The following GLDN variants were observed in gnomAD, a reference collection of about 807,000 sequenced individuals.
GLDN encodes collomin.
Under a neutral mutation model 56.5 loss-of-function variants are expected in GLDN, and 47 were observed. That is an observed-to-expected ratio of 0.83 (90% CI 0.66 to 1.06). GLDN has a LOEUF of 1.06. GLDN is among the 50% of genes least tolerant of loss of function. GLDN has a pLI of 0.00. For synonymous variants in GLDN, 332 were observed against 278.8 expected (o/e 1.19, Z -1.90); for missense variants, 782 against 714.3 (o/e 1.09, Z -1.08).
chr15:51,399,331 A>G (rs2038200127), intron 6 of GLDN, among the ~76,000 whole-genome samples: 1 of 152,212 alleles, frequency 6.6e-6, no homozygotes. Context: ...TCAAGCAACC[A>G]CAAGGTGATT....
At position 51,371,734 on chromosome 15, in the gene GLDN, G is replaced by T. The variant is rs182773882; in HGVS notation, c.364-5715G>T. On this transcript the variant is annotated intron_variant, in intron 1 of 9. Transcript: ENST00000335449. ...GTCTCACTCTGTCACCCAGGCTGGAGTGCAGTGGCTCGATCTCAGCTCACT... is the reference window on the plus strand; with the variant it reads ...GTCTCACTCTGTCACCCAGGCTGGATTGCAGTGGCTCGATCTCAGCTCACT... Among the ~76,000 whole-genome samples the T allele has an allele frequency of 2.0e-4, 31 of 152,304 alleles. No homozygotes were observed. The East Asian group carries it at 6.0e-3, about 29-fold the overall frequency.
chr15:51,378,637 G>A (rs2037688890), intron 2 of GLDN, among the ~76,000 whole-genome samples: 1 of 152,206 alleles, frequency 6.6e-6, no homozygotes, highest in South Asian at 2.1e-4. Flanking sequence ...CGTCTGCACT[G>A]GAAGTGGGTT....
chr15:51,403,298 T>G (rs2038295611), intron 9 of GLDN, among the ~76,000 whole-genome samples: 1 of 152,136 alleles, frequency 6.6e-6, no homozygotes, highest in South Asian at 2.1e-4. Flanking sequence ...ACCCCAGGTA[T>G]TCAGAGGAAG....
chr15:51,367,454 G>A (rs1213125330), intron 1 of GLDN: 1 of 152,282 alleles, frequency 6.6e-6, no homozygotes, highest in Non-Finnish European at 1.5e-5. Flanking sequence ...GGGCTTGTGG[G>A]TGGACTTCAA....
chr15:51,388,069 C>T (rs2037939080), intron 4 of GLDN, among the ~76,000 whole-genome samples: 1 of 152,132 alleles, frequency 6.6e-6, no homozygotes, highest in Admixed American at 6.5e-5. Context: ...TGCCCACTGC[C>T]CAGAATGCCC....
chr15:51,353,713 T>TAAAAAAAAAAAAAAAA (rs1566935693), intron 1 of GLDN, among the ~76,000 whole-genome samples: 3 of 80,512 alleles, frequency 3.7e-5, no homozygotes, highest in African/African-American at 5.5e-5. Flanking sequence ...TCGGATTTGA[T>TAAAAAAAAAAAAAAAA]TAAAAAAAAA....
chr15:51,374,084 A>G (rs2141083041), intron 1 of GLDN, among the ~76,000 whole-genome samples: 1 of 152,364 alleles, frequency 6.6e-6, no homozygotes, highest in Non-Finnish European at 1.5e-5. Context: ...AACATAATTT[A>G]CTGGTAAATA....
At position 51,383,457 on chromosome 15, in the gene GLDN, A is replaced by G. The variant is rs780284039; in HGVS notation, c.433+4A>G. The G allele has an allele frequency of 3.7e-6, 6 of 1,613,892 alleles. No homozygotes were observed. The highest frequency in any genetic ancestry group is 5.1e-6 in the Non-Finnish European group (6 of 1,179,954). On this transcript the variant is annotated splice_donor_region_variant and intron_variant, in intron 3 of 9. Coordinates refer to ENST00000335449, the MANE Select transcript of GLDN (RefSeq NM_181789.4). Reference sequence around the variant, plus strand: ...GTAGGACCTTCTGGACCACCAGGTAAGAGCCCATGGATTTTCTAGTTCAAG... The same window carrying G: ...GTAGGACCTTCTGGACCACCAGGTAGGAGCCCATGGATTTTCTAGTTCAAG...
In GLDN at chr15:51,351,619, G is replaced by A. The variant is rs550019744; in HGVS notation, c.363+9572G>A. 4.6e-5 allele frequency among the ~76,000 whole-genome samples: 7 copies of A among 152,308 alleles called. No homozygotes were observed. In the East Asian group the frequency reaches 1.4e-3, roughly 29 times the overall value. On this transcript the variant is annotated intron_variant, in intron 1 of 9. Coordinates refer to ENST00000335449, the MANE Select transcript of GLDN (RefSeq NM_181789.4). ...TCATCCTTCTCAAGCTCTCATGCCA[G>A]GATCTCCCTATGGCAGTCACAGGCT...
intron 1 of GLDN, among the ~76,000 whole-genome samples, chr15:51,372,930 T>C (rs534149242): frequency 6.6e-6 from 1 of 152,278 alleles, no homozygotes; most frequent in African/African-American, 2.4e-5. Flanking sequence ...TCTTCCTGCA[T>C]CATTCCACAG....
chr15:51,389,266 A>C (rs1161968643), intron 4 of GLDN, among the ~76,000 whole-genome samples: 1 of 152,246 alleles, frequency 6.6e-6, no homozygotes, highest in Non-Finnish European at 1.5e-5. Flanking sequence ...TATTCATGAC[A>C]TCTCTTAGCT....
chr15:51,353,591 A>C (rs2037115355), intron 1 of GLDN, among the ~76,000 whole-genome samples: 1 of 152,080 alleles, frequency 6.6e-6, no homozygotes, highest in South Asian at 2.1e-4. Flanking sequence ...AAATTGAGAA[A>C]ATGTGAGTGG....
chr15:51,342,070 G>T (rs373097939), intron 1 of GLDN, 23 bp downstream of exon 1: 138 of 1,589,048 alleles, frequency 8.7e-5, no homozygotes, highest in Non-Finnish European at 1.1e-4. Context: ...TCTGTTCCCC[G>T]TGGCGCCCCG....
intron 4 of GLDN, among the ~76,000 whole-genome samples, chr15:51,389,337 A>T (rs2037967095): frequency 6.6e-6 from 1 of 152,232 alleles, no homozygotes. Context: ...GAATGCATGC[A>T]TGAATGAATG....
chr15:51,397,593 G>A lies in GLDN; in HGVS notation c.812G>A (p.Cys271Tyr). ...CAGCCAAGCATGTTCAACGGCCAGT[G>A]CCCAGGTCACCACCTCTCCCCTACG... ...PRQPSMFNGQ[C>Y]PGETCAIPND... is the part of the protein sequence containing the mutation. Residue 271 changes from cysteine to tyrosine, a missense_variant, in exon 6 of 10, where the codon TGC becomes TAC. Physicochemically the swap from Cys to Tyr is radical, Grantham distance 194 (BLOSUM62 -2). Transcript: ENST00000335449. 1 of 1,591,148 alleles carries A rather than the reference G, an allele frequency of 6.3e-7. No individual in the cohort carries two copies. Among genetic ancestry groups the A allele is most frequent in the East Asian group, 2.3e-5 (1 of 42,726 alleles).
Position 51,400,222 on chromosome 15 carries a change from C to A in GLDN, c.848C>A (p.Thr283Asn). The A allele has an allele frequency of 6.2e-7, 1 of 1,614,092 alleles. No individual in the cohort carries two copies. Among genetic ancestry groups the A allele is most frequent in the South Asian group, 1.1e-5 (1 of 91,086 alleles). The change falls in exon 7 of 10, where the codon ACC (threonine) becomes AAC (asparagine). Residue 283 changes from threonine (T) to asparagine (N), a missense_variant. Thr to Asn is a moderately conservative substitution (Grantham distance 65, BLOSUM62 0). Transcript: ENST00000335449. ...ACTTGTGCCATACCAAATGATGATA[C>A]CTTGGTTGGAAAAGCTGATGAGAAA... ...GETCAIPNDD[T>N]LVGKADEKAS...
chr15:51,358,152 G>A (rs2037222611), intron 1 of GLDN, among the ~76,000 whole-genome samples: 1 of 152,132 alleles, frequency 6.6e-6, no homozygotes, highest in Non-Finnish European at 1.5e-5. Flanking sequence ...AGACTTATGG[G>A]CCGAAAACAA....
chr15:51,344,660 T>C (rs758250513), intron 1 of GLDN, among the ~76,000 whole-genome samples: 1 of 152,140 alleles, frequency 6.6e-6, no homozygotes, highest in African/African-American at 2.4e-5. Flanking sequence ...CTGTGAGGTC[T>C]TATGTCCTTA....
chr15:51,353,122 A>G (rs944205165), intron 1 of GLDN, among the ~76,000 whole-genome samples: 2 of 152,180 alleles, frequency 1.3e-5, no homozygotes, highest in Non-Finnish European at 1.5e-5. Context: ...CAACACCAAT[A>G]AACTGGTTCA....
Sources: allele counts gnomAD v4.1 joint callset (sites outside exome capture counted in the v4.1 genomes callset), GRCh38; gene constraint gnomAD v4.1.1; transcripts MANE v1.5; gene names NCBI Gene and HGNC (gene_info 2026-07-23, HGNC 2026-07-21).